ADD2: variants seen among roughly 807,000 people sequenced by gnomAD.
The protein encoded by ADD2 is beta-adducin.
ADD2 carries 23 observed loss-of-function variants against 83.0 expected under a neutral mutation model. The observed-to-expected ratio is 0.28, with a 90% CI of 0.20 to 0.39. The LOEUF (loss-of-function observed/expected upper bound fraction) is 0.39, where lower values mean the gene tolerates loss of function less well. Among genes scored for constraint, ADD2 ranks in the 10% least tolerant of loss-of-function variants. The pLI is 1.00. For synonymous variants in ADD2, 375 were observed against 375.4 expected (o/e 1.00, Z 0.01); for missense variants, 758 against 944.9 (o/e 0.80, Z 2.59).
intron 10 of ADD2, 99 bp downstream of exon 10, chr2:70,683,492 G>A: frequency 7.8e-7 from 1 of 1,288,208 alleles, no homozygotes; most frequent in South Asian, 1.6e-5. Flanking sequence ...TAGTTGTGAT[G>A]CTGGCAATTC....
At chr2:70,690,649 G>A (rs1553371362) in intron 8 of ADD2, 137 bp downstream of exon 8, 9 of 1,001,482 alleles carry the variant, frequency 9.0e-6, no homozygotes, top group Non-Finnish European at 1.3e-5. Flanking sequence ...CAAAATCTCA[G>A]GGTAGTGGGA....
chr2:70,714,320 C>A (rs1319848067), intron 1 of ADD2, among the ~76,000 whole-genome samples: 1 of 152,132 alleles, frequency 6.6e-6, no homozygotes, highest in African/African-American at 2.4e-5. Context: ...CTCTGGCTCA[C>A]TGGCAGCTCA....
rs1006567005 is a variant in ADD2 at position 70,767,585 on chromosome 2, A to G, written c.-154+301T>C. On this transcript the variant is annotated intron_variant, in intron 1 of 15. Transcript: ENST00000264436. ...CGAGGCTTGCCGCCCCTCCATTCGG[A>G]CCCAAAAGAAAGCCCCACCTGTCAG... 7 of 1,216,516 alleles carry G rather than the reference A, an allele frequency of 5.8e-6. No homozygotes were observed. The African/African-American group carries it at 1.1e-4, about 19-fold the overall frequency. 75.4% of individuals were successfully genotyped at this position (1,216,516 alleles called of 1,614,324 possible).
chr2:70,758,501 C>A (rs1464096065), intron 1 of ADD2, among the ~76,000 whole-genome samples: 1 of 151,896 alleles, frequency 6.6e-6, no homozygotes, highest in African/African-American at 2.4e-5. Flanking sequence ...GAGGGTAGAG[C>A]GTAAAGGAAA....
intron 10 of ADD2, among the ~76,000 whole-genome samples, chr2:70,682,041 G>T (rs1285224869): frequency 6.6e-6 from 1 of 152,086 alleles, no homozygotes; most frequent in Non-Finnish European, 1.5e-5. Context: ...TTTATCCTTT[G>T]ATGCTTCAAT....
At chr2:70,746,360 T>C (rs1310300764) in intron 1 of ADD2, among the ~76,000 whole-genome samples, 3 of 152,238 alleles carry the variant, frequency 2.0e-5, no homozygotes, top group Non-Finnish European at 4.4e-5. Context: ...CTTTTCCTTT[T>C]GGAGCTTTAA....
At chr2:70,756,701 C>T (rs10203148) in intron 1 of ADD2, among the ~76,000 whole-genome samples, 2,422 of 152,090 alleles carry the variant, frequency 0.016, 67 homozygotes, top group African/African-American at 0.055. Flanking sequence ...TCAGGTGACA[C>T]GATCAACAGT....
chr2:70,682,475 A>T (rs1553369735), intron 10 of ADD2, among the ~76,000 whole-genome samples: 1 of 152,220 alleles, frequency 6.6e-6, no homozygotes, highest in Non-Finnish European at 1.5e-5. Flanking sequence ...GATGATTTGG[A>T]GGAACTGAAG....
rs1391189192 is a variant in ADD2, at chr2:70,767,615, T to C, written c.-154+271A>G. 7.0e-6 allele frequency: 9 copies of C among 1,278,250 alleles called. No individual in the cohort carries two copies. The East Asian group carries it at 2.8e-4, about 40-fold the overall frequency. 79.2% of individuals were successfully genotyped at this position (1,278,250 alleles called of 1,614,324 possible). A position where few individuals can be genotyped will look rare whatever the true frequency, so the allele number is the denominator to read the frequency against. On this transcript the variant is annotated intron_variant, in intron 1 of 15. Transcript: ENST00000264436. Reference sequence around the variant, plus strand: ...AAAGAAAGCCCCACCTGTCAGGCGTTACGCTCCGGGCGAGGGTCCCACCAT... The same window carrying C: ...AAAGAAAGCCCCACCTGTCAGGCGTCACGCTCCGGGCGAGGGTCCCACCAT...
Position 70,767,975 on chromosome 2 carries a change from A to G in ADD2, c.-243T>C, listed in dbSNP as rs931248895. The stretch of plus-strand genomic sequence containing the variant: ...TTTGGGGGGTGGGGTGCGCTTAAAA[A>G]ATCCACCCAGCTAATCTGCAGGGCA... On this transcript the variant is annotated 5_prime_UTR_variant, in exon 1 of 16. Coordinates refer to ENST00000264436, the MANE Select transcript of ADD2 (RefSeq NM_001617.4). The G allele has an allele frequency of 3.3e-6, 5 of 1,535,172 alleles. No homozygotes were observed. Among genetic ancestry groups the G allele is most frequent in the Non-Finnish European group, 4.4e-6 (5 of 1,146,408 alleles).
intron 3 of ADD2, among the ~76,000 whole-genome samples, chr2:70,705,442 G>A (rs2104383354): frequency 6.6e-6 from 1 of 152,262 alleles, no homozygotes; most frequent in South Asian, 2.1e-4. Flanking sequence ...GCAAGCAATT[G>A]GAGATGCCAA....
chr2:70,767,823 G>C, intron 1 of ADD2, 63 bp downstream of exon 1: 2 of 1,529,284 alleles, frequency 1.3e-6, no homozygotes, highest in Admixed American at 2.0e-5. Flanking sequence ...GGATGCCAGG[G>C]TCTCCGCGCC....
At chr2:70,748,761 T>TA (rs1485492775) in intron 1 of ADD2, among the ~76,000 whole-genome samples, 2 of 152,234 alleles carry the variant, frequency 1.3e-5, no homozygotes, top group Admixed American at 1.3e-4. Flanking sequence ...ATGTGGCAGC[T>TA]ATATGTCCAA....
intron 1 of ADD2, among the ~76,000 whole-genome samples, chr2:70,716,107 T>C (rs1452914497): frequency 1.3e-5 from 2 of 152,220 alleles, no homozygotes; most frequent in African/African-American, 4.8e-5. Context: ...AGGTATACTT[T>C]TCACATTTTC....
Position 70,714,831 on chromosome 2 carries a change from C to T in ADD2, c.-153-1647G>A, listed in dbSNP as rs528604490. ...GTCTGAGGCTGCCCTGTGGCCACAA[C>T]CTGCTAAGATTTGAATTTTCAGAAT... On this transcript the variant is annotated intron_variant, in intron 1 of 15. Coordinates refer to ENST00000264436, the MANE Select transcript of ADD2 (RefSeq NM_001617.4). Among the ~76,000 whole-genome samples, 12 of 152,328 alleles carry T rather than the reference C, an allele frequency of 7.9e-5. No homozygotes were observed. In the East Asian group the frequency reaches 2.1e-3, roughly 27 times the overall value.
At chr2:70,675,230 C>T (rs1553367989) in intron 13 of ADD2, 2 of 1,008,914 alleles carry the variant, frequency 2.0e-6, no homozygotes, top group East Asian at 9.7e-5. Flanking sequence ...TTCATGCCAG[C>T]CATTCCCCAC....
intron 1 of ADD2, among the ~76,000 whole-genome samples, chr2:70,720,239 T>A (rs1296540907): frequency 6.6e-6 from 1 of 151,908 alleles, no homozygotes; most frequent in Non-Finnish European, 1.5e-5. Flanking sequence ...GAAACAAGAC[T>A]CGGGAGTGCT....
Position 70,767,869 on chromosome 2 carries a change from G to A in ADD2, c.-154+17C>T. On this transcript the variant is annotated intron_variant, in intron 1 of 15. Coordinates refer to ENST00000264436, the MANE Select transcript of ADD2 (RefSeq NM_001617.4). ...CGACCCCAGGCAGCCCACCAGGCCC[G>A]CTCCCCAGACCCTTACCTCCTGCGC... 6.5e-7 allele frequency: 1 copy of A among 1,535,454 alleles called. No individual in the cohort carries two copies.
At position 70,662,787 on chromosome 2, in the gene ADD2, C is replaced by T. The variant is rs1165639192; in HGVS notation, c.*638G>A. The T allele has an allele frequency of 2.0e-5, 3 of 152,454 alleles. No homozygotes were observed. The highest frequency in any genetic ancestry group is 4.4e-5 in the Non-Finnish European group (3 of 68,276). The allele number at this position is 152,454 out of a possible 1,614,324, so 9.4% of individuals were successfully genotyped here. On this transcript the variant is annotated 3_prime_UTR_variant, in exon 16 of 16. Transcript: ENST00000264436. ...ATGCCTACCACCTCTTATAGCTCTT[C>T]CATCCATCATTCAAGAGGTTCCATG...
Sources: allele counts gnomAD v4.1 joint callset (sites outside exome capture counted in the v4.1 genomes callset), GRCh38; gene constraint gnomAD v4.1.1; transcripts MANE v1.5; gene names NCBI Gene and HGNC (gene_info 2026-07-23, HGNC 2026-07-21).